Variants in ZFC3H1 observed in about 807,000 individuals in gnomAD.
The protein encoded by ZFC3H1 is zinc finger C3H1 domain-containing protein.
In ZFC3H1, 71 loss-of-function variants were observed where a neutral mutation model predicts 243.7. The observed-to-expected ratio is 0.29, with a 90% CI of 0.24 to 0.36. ZFC3H1 has a LOEUF of 0.36. ZFC3H1 is among the 10% of genes least tolerant of loss of function. The pLI is 1.00. For missense variants in ZFC3H1, 1,966 were observed against 2,317.1 expected, an observed-to-expected ratio of 0.85 and a Z score of 3.11; for synonymous variants, 838 against 813.0, an observed-to-expected ratio of 1.03 and a Z score of -0.52.
At position 71,626,410 on chromosome 12, in the gene ZFC3H1, A is replaced by G. The variant is rs35960557; in HGVS notation, c.4167T>C (p.Val1389=). The part of the protein sequence containing the change: ...CSESLDSALN[V]LARALENNKD... ...TGTTATTTTCCAATGCTCGCGCCAG[A>G]ACATTTAAAGCAGAATCCAAGGATT... The change falls in exon 22 of 35, where the codon GTT becomes GTC. Residue 1389 remains valine, a synonymous_variant. Transcript: ENST00000378743. 1,230 of 1,614,040 alleles carry G rather than the reference A, an allele frequency of 7.6e-4. 13 individuals are homozygous for G. In the African/African-American group the frequency reaches 0.015, roughly 20 times the overall value.
intron 10 of ZFC3H1, among the ~76,000 whole-genome samples, 171 bp downstream of exon 10, chr12:71,635,272 A>T (rs943685072): frequency 1.3e-5 from 2 of 152,196 alleles, no homozygotes; most frequent in Admixed American, 6.5e-5. Context: ...ATCAATCTAC[A>T]TTGATACATG....
chr12:71,616,791 C>G (rs1879904661), intron 27 of ZFC3H1, among the ~76,000 whole-genome samples: 2 of 152,082 alleles, frequency 1.3e-5, no homozygotes, highest in East Asian at 1.9e-4. Flanking sequence ...AATAGAACAT[C>G]TAGAAGTTAG....
At chr12:71,657,730 T>C (rs761103033) in intron 1 of ZFC3H1, among the ~76,000 whole-genome samples, 5 of 152,192 alleles carry the variant, frequency 3.3e-5, no homozygotes, top group Non-Finnish European at 7.3e-5. Flanking sequence ...GGCTCACGCC[T>C]GTAATCCCAG....
chr12:71,624,001 C>T (rs1006744547), intron 23 of ZFC3H1, 103 bp downstream of exon 23: 2 of 1,217,936 alleles, frequency 1.6e-6, no homozygotes, highest in Non-Finnish European at 2.2e-6. Context: ...GGATTCAAAT[C>T]CAAATCTTGT....
chr12:71,654,780 C>T (rs1467222253), intron 2 of ZFC3H1, among the ~76,000 whole-genome samples: 1 of 152,014 alleles, frequency 6.6e-6, no homozygotes, highest in African/African-American at 2.4e-5. Flanking sequence ...GATTGTCATA[C>T]TGAATTATAA....
At position 71,644,085 on chromosome 12, in the gene ZFC3H1, C is replaced by T; in HGVS notation, c.1503+10G>A. 5.6e-6 allele frequency: 9 copies of T among 1,600,152 alleles called. No homozygotes were observed. Among genetic ancestry groups the T allele is most frequent in the Middle Eastern group, 1.7e-4 (1 of 6,006 alleles). On this transcript the variant is annotated intron_variant, in intron 5 of 34. Transcript: ENST00000378743. ...GTAACGTTTTGATTTTATATTTTTG[C>T]ATTTCTTACTTTACTTCTTGATCTC... is the stretch of plus-strand genomic sequence containing the variant.
At chr12:71,619,470 C>G in intron 26 of ZFC3H1, 61 bp from the exon 27 acceptor site, 2 of 1,498,528 alleles carry the variant, frequency 1.3e-6, no homozygotes, top group Non-Finnish European at 1.8e-6. Context: ...TAAAATGTCA[C>G]GAGGGAGAAA....
chr12:71,634,337 C>T (rs767261266), intron 11 of ZFC3H1, 33 bp from the exon 12 acceptor site: 4 of 1,594,700 alleles, frequency 2.5e-6, no homozygotes, highest in African/African-American at 2.7e-5. Flanking sequence ...ATGCATTACA[C>T]CCAAGAATAA....
chr12:71,623,708 T>G, intron 23 of ZFC3H1, 111 bp from the exon 24 acceptor site: 1 of 792,762 alleles, frequency 1.3e-6, no homozygotes, highest in East Asian at 2.7e-5. Flanking sequence ...CACATTTATT[T>G]GTACATTTTA....
chr12:71,618,285 A>AC (rs1565803948), intron 27 of ZFC3H1, among the ~76,000 whole-genome samples: 1 of 150,344 alleles, frequency 6.7e-6, no homozygotes, highest in African/African-American at 2.4e-5. Flanking sequence ...AATTAAAAAA[A>AC]AAAAACAAAA....
intron 3 of ZFC3H1, 41 bp downstream of exon 3, chr12:71,647,708 G>T: frequency 1.8e-6 from 2 of 1,099,724 alleles, no homozygotes; most frequent in South Asian, 2.9e-5. Flanking sequence ...ATGCAAAAAT[G>T]GGTCTTACAG....
At chr12:71,611,309 G>A in intron 32 of ZFC3H1, 1 of 350,382 alleles carries the variant, frequency 2.9e-6, no homozygotes, top group Non-Finnish European at 4.9e-6. Flanking sequence ...CAAGAAAAAA[G>A]CAGACCAGTG....
At chr12:71,633,630 T>C (rs1316301355) in intron 12 of ZFC3H1, among the ~76,000 whole-genome samples, 192 bp from the exon 13 acceptor site, 1 of 152,142 alleles carries the variant, frequency 6.6e-6, no homozygotes, top group East Asian at 1.9e-4. Context: ...CTGATAATAG[T>C]AACTATGAGA....
At position 71,636,895 on chromosome 12, in the gene ZFC3H1, T is replaced by C; in HGVS notation, c.1890A>G (p.Glu630=). ...TATTTGCTAGAGATTTAAGTAGTTC[T>C]TCTCGAAGCAGCATTTCTTCCTCCT... ...EEEEEEMLLR[E]ELLKSLANKR... is the part of the protein sequence containing the mutation. Residue 630 remains glutamate (E), a synonymous_variant, in exon 8 of 35, where the codon GAA becomes GAG. Coordinates refer to ENST00000378743, the MANE Select transcript of ZFC3H1 (RefSeq NM_144982.5). The C allele has an allele frequency of 6.2e-7, 1 of 1,614,068 alleles. No homozygotes were observed. Among genetic ancestry groups the C allele is most frequent in the Non-Finnish European group, 8.5e-7 (1 of 1,179,980 alleles).
At chr12:71,626,704 A>C (rs1880176191) in intron 21 of ZFC3H1, among the ~76,000 whole-genome samples, 1 of 152,254 alleles carries the variant, frequency 6.6e-6, no homozygotes, top group Non-Finnish European at 1.5e-5. Context: ...ACAGTGTTAT[A>C]AAACCACTAA....
At chr12:71,657,403 C>G in intron 1 of ZFC3H1, 102 bp from the exon 2 acceptor site, 1 of 903,656 alleles carries the variant, frequency 1.1e-6, no homozygotes, top group Non-Finnish European at 1.6e-6. Context: ...TTTAATTTTT[C>G]AAGAAAAATG....
Position 71,663,503 on chromosome 12 carries a change from T to C in ZFC3H1, c.108A>G (p.Ile36Met). Residue 36 changes from isoleucine (I) to methionine (M), a missense_variant, in exon 1 of 35, where the codon ATA becomes ATG. Around this residue, in one of 4 missense-constraint regions of ZFC3H1, gnomAD observed 484 missense variants for 449.7 expected, o/e 1.08. Coordinates refer to ENST00000378743, the MANE Select transcript of ZFC3H1 (RefSeq NM_144982.5). The part of the protein sequence containing the change: ...EISDDDNNSQ[I>M]RSRSSSSSSG... ...TGCTGCTGCTGCTGCTCCGACTCCG[T>C]ATCTGGCTGTTATTATCGTCGTCAC... 2 of 1,613,580 alleles carry C rather than the reference T, an allele frequency of 1.2e-6. No individual in the cohort carries two copies. Among genetic ancestry groups the C allele is most frequent in the Non-Finnish European group, 1.7e-6 (2 of 1,180,038 alleles).
At chr12:71,651,615 G>A (rs899321186) in intron 2 of ZFC3H1, among the ~76,000 whole-genome samples, 1 of 152,080 alleles carries the variant, frequency 6.6e-6, no homozygotes, top group African/African-American at 2.4e-5. Context: ...TTGTGATGGG[G>A]GTAGAAAAGC....
chr12:71,646,439 C>T (rs544960543), intron 3 of ZFC3H1, among the ~76,000 whole-genome samples: 24 of 152,312 alleles, frequency 1.6e-4, no homozygotes, highest in Non-Finnish European at 3.4e-4. Flanking sequence ...ACACTAATCA[C>T]TTTTCAAGTT....
Sources: gnomAD v4.1 joint callset for allele counts (sites outside exome capture counted in the v4.1 genomes callset) on GRCh38, gnomAD v4.1.1 for gene constraint, gnomAD v4.1.1 regional missense constraint, MANE v1.5 for transcripts, NCBI Gene and HGNC (gene_info 2026-07-23, HGNC 2026-07-21) for gene names.